The following HIVEP3 variants were observed in gnomAD, a reference collection of about 807,000 sequenced individuals.
HIVEP3 encodes the protein HIVEP zinc finger 3.
A neutral mutation model predicts 152.8 loss-of-function variants in HIVEP3; 49 were observed. The ratio of observed to expected loss-of-function variants is 0.32; its 90% CI spans 0.26 to 0.41. The LOEUF is 0.41. Ranked by LOEUF, HIVEP3 falls within the 10% of genes least tolerant of loss-of-function variation. The probability of loss-of-function intolerance (pLI) is 1.00; values close to 1 mark genes in which losing one functional copy is unlikely to be tolerated. For synonymous variants in HIVEP3, 1,269 were observed against 1,289.0 expected, an observed-to-expected ratio of 0.98 and a Z score of 0.33; for missense variants, 2,790 against 3,103.3, an observed-to-expected ratio of 0.90 and a Z score of 2.40.
upstream of HIVEP3, among the ~76,000 whole-genome samples, chr1:41,921,455 C>T (rs564726908): frequency 2.0e-4 from 30 of 152,290 alleles, 1 homozygote; most frequent in East Asian, 2.1e-3. Flanking sequence ...CCCTTGCACA[C>T]GCTCTCTTGC....
intron 1 of HIVEP3, among the ~76,000 whole-genome samples, chr1:41,912,165 G>C (rs994075124): frequency 1.3e-5 from 2 of 152,184 alleles, no homozygotes; most frequent in Non-Finnish European, 2.9e-5. Flanking sequence ...GAAATGTCCA[G>C]AAGATGGTAA....
In HIVEP3 at chr1:41,511,168, G is replaced by A; in HGVS notation, c.6504C>T (p.Ile2168=). The A allele has an allele frequency of 6.2e-7, 1 of 1,614,202 alleles. No individual in the cohort carries two copies. The highest frequency in any genetic ancestry group is 8.5e-7 in the Non-Finnish European group (1 of 1,180,032). The change falls in exon 9 of 9, where the codon ATC becomes ATT. Residue 2168 remains isoleucine (I), a synonymous_variant. Transcript: ENST00000372583. The surrounding 1 kb of genome is among the most constrained non-coding windows in gnomAD (Gnocchi z 4.9). ...AGATGTTCTCCTCTGTCCGGGCCAG[G>A]ATGTGGCCGTGGAAGTCATGGAGGG... The part of the protein sequence containing the change: ...FSALHDFHGH[I]LARTEENIFS...
intron 1 of HIVEP3, among the ~76,000 whole-genome samples, chr1:41,721,534 A>G (rs10493099): frequency 0.081 from 12,395 of 152,232 alleles, 936 homozygotes; most frequent in East Asian, 0.22. Flanking sequence ...AAAGCTCATA[A>G]GCTAGAACAA....
chr1:42,015,323 C>A (rs774125634), intron 1 of HIVEP3, among the ~76,000 whole-genome samples: 17 of 152,214 alleles, frequency 1.1e-4, no homozygotes, highest in Non-Finnish European at 1.9e-4. Flanking sequence ...AACCCCATCT[C>A]CCCAGAATTA....
intron 1 of HIVEP3, among the ~76,000 whole-genome samples, chr1:41,761,937 G>A (rs1450676237): frequency 4.6e-5 from 7 of 152,358 alleles, no homozygotes; most frequent in South Asian, 2.1e-4. Flanking sequence ...CGAGTTACAA[G>A]TCCCAGGTAA....
intron 1 of HIVEP3, among the ~76,000 whole-genome samples, chr1:41,802,261 G>A (rs1437783369): frequency 2.0e-5 from 3 of 152,148 alleles, no homozygotes; most frequent in Non-Finnish European, 4.4e-5. Flanking sequence ...TGTTGCTCAG[G>A]CTGGTGTGCA....
intron 3 of HIVEP3, among the ~76,000 whole-genome samples, chr1:41,599,408 GC>G (rs1644713890): frequency 1.3e-5 from 2 of 152,122 alleles, no homozygotes; most frequent in African/African-American, 4.8e-5. Context: ...AAGGAGAGAA[GC>G]TAAATTGTGC....
chr1:41,789,611 T>A (rs1290992054), intron 1 of HIVEP3, among the ~76,000 whole-genome samples: 1 of 152,236 alleles, frequency 6.6e-6, no homozygotes, highest in Non-Finnish European at 1.5e-5. Flanking sequence ...AACAAATCAA[T>A]GTAAACATAT....
intron 1 of HIVEP3, among the ~76,000 whole-genome samples, chr1:41,975,227 A>G (rs1051839936): frequency 4.6e-5 from 7 of 152,048 alleles, no homozygotes; most frequent in South Asian, 2.1e-4. Context: ...CCTCTACCCA[A>G]TCCTGCTTCC....
Position 41,579,793 on chromosome 1 carries a change from G to T in HIVEP3, c.5005C>A (p.His1669Asn), listed in dbSNP as rs1558078322. The change falls in exon 4 of 9, where the codon CAT (histidine) becomes AAT (asparagine). Residue 1669 changes from histidine (H) to asparagine (N), a missense_variant. Physicochemically the swap from His to Asn is moderately conservative, Grantham distance 68 (BLOSUM62 1). Coordinates refer to ENST00000372583, the MANE Select transcript of HIVEP3 (RefSeq NM_024503.5). The stretch of plus-strand genomic sequence containing the variant: ...GGCACAAGCCTTCCTGCCTCAGGAT[G>T]CGGAGCTGTGGCCATGGTGTATGTC... The part of the protein sequence containing the change: ...KETYTMATAP[H>N]PEAGRLVPSS... 2.5e-6 allele frequency: 4 copies of T among 1,607,860 alleles called. No homozygotes were observed. The highest frequency in any genetic ancestry group is 3.4e-6 in the Non-Finnish European group (4 of 1,175,288).
At chr1:41,980,335 C>A (rs1645287439) in intron 1 of HIVEP3, among the ~76,000 whole-genome samples, 1 of 151,990 alleles carries the variant, frequency 6.6e-6, no homozygotes, top group African/African-American at 2.4e-5. Context: ...AATGGATAAA[C>A]AAAACAAGGG....
chr1:41,978,049 T>C (rs1645270177), intron 1 of HIVEP3, among the ~76,000 whole-genome samples: 1 of 152,234 alleles, frequency 6.6e-6, no homozygotes, highest in African/African-American at 2.4e-5. Context: ...TGCCAATACT[T>C]TTTATTCCTA....
At chr1:41,998,021 T>C (rs932527843) in intron 1 of HIVEP3, among the ~76,000 whole-genome samples, 14 of 152,188 alleles carry the variant, frequency 9.2e-5, no homozygotes, top group African/African-American at 2.7e-4. Flanking sequence ...GTTTAGTAAA[T>C]TGTCAAACTT....
intron 3 of HIVEP3, among the ~76,000 whole-genome samples, chr1:41,613,197 C>T (rs534557382): frequency 5.9e-5 from 9 of 152,376 alleles, no homozygotes; most frequent in African/African-American, 1.7e-4. Flanking sequence ...AATGGGTTTC[C>T]CAATAGGCTT....
At chr1:41,897,599 T>G (rs1644550332) in intron 1 of HIVEP3, among the ~76,000 whole-genome samples, 1 of 152,110 alleles carries the variant, frequency 6.6e-6, no homozygotes, top group Admixed American at 6.5e-5. Flanking sequence ...TTCTAAGGTA[T>G]TTTGCTATAG....
At chr1:41,540,968 T>C (rs901673186) in intron 5 of HIVEP3, among the ~76,000 whole-genome samples, 2 of 152,056 alleles carry the variant, frequency 1.3e-5, no homozygotes, top group African/African-American at 4.8e-5. Flanking sequence ...GCTCCAGACA[T>C]AAACAGCCAG....
intron 1 of HIVEP3, among the ~76,000 whole-genome samples, chr1:41,937,987 A>G (rs1645027997): frequency 6.6e-6 from 1 of 152,190 alleles, no homozygotes; most frequent in African/African-American, 2.4e-5. Context: ...ACACCACTGT[A>G]TGTGTCTGGG....
chr1:41,882,574 G>A (rs534490500), intron 1 of HIVEP3, among the ~76,000 whole-genome samples: 1 of 152,270 alleles, frequency 6.6e-6, no homozygotes, highest in African/African-American at 2.4e-5. Flanking sequence ...GATAGGAAGG[G>A]GAAGGAATGT....
At chr1:41,515,086 G>C (rs1188143061) in intron 7 of HIVEP3, among the ~76,000 whole-genome samples, 1 of 152,198 alleles carries the variant, frequency 6.6e-6, no homozygotes, top group Admixed American at 6.5e-5. Context: ...TCTGCAGAGT[G>C]AGGTTGCTGA....
Sources: allele counts gnomAD v4.1 joint callset (sites outside exome capture counted in the v4.1 genomes callset), GRCh38; gene constraint gnomAD v4.1.1; non-coding constraint Gnocchi (gnomAD v3.1); transcripts MANE v1.5; gene names NCBI Gene and HGNC (gene_info 2026-07-23, HGNC 2026-07-21).